The following CDC42BPA variants were observed in gnomAD, a reference collection of about 807,000 sequenced individuals.
CDC42BPA encodes the protein CDC42 binding protein kinase alpha.
A neutral mutation model predicts 223.5 loss-of-function variants in CDC42BPA; 80 were observed. The ratio of observed to expected loss-of-function variants is 0.36; its 90% CI spans 0.30 to 0.43. The LOEUF is 0.43. CDC42BPA is among the 20% of genes least tolerant of loss of function. The probability of loss-of-function intolerance (pLI) is 1.00; values close to 1 mark genes in which losing one functional copy is unlikely to be tolerated. For missense variants in CDC42BPA, 1,743 were observed against 2,099.9 expected, an observed-to-expected ratio of 0.83 and a Z score of 3.32; for synonymous variants, 694 against 718.6, an observed-to-expected ratio of 0.97 and a Z score of 0.55.
Position 227,143,072 on chromosome 1 carries a change from T to C in CDC42BPA, c.1144-48A>G, listed in dbSNP as rs767592476. ...GTAAGAAATAGATAGCTATATGATC[T>C]GTAGGCTTGGCTATAAATATAAAAT... On this transcript the variant is annotated intron_variant, in intron 8 of 36. Coordinates refer to ENST00000366766, the MANE Select transcript of CDC42BPA (RefSeq NM_001394014.1). 4.2e-6 allele frequency: 5 copies of C among 1,202,216 alleles called. No homozygotes were observed. In the South Asian group the frequency reaches 9.3e-5, roughly 22 times the overall value. The allele number at this position is 1,202,216 out of a possible 1,614,324, so 74.5% of individuals were successfully genotyped here.
At chr1:227,198,546 AC>A (rs1343500224) in intron 4 of CDC42BPA, among the ~76,000 whole-genome samples, 1 of 152,022 alleles carries the variant, frequency 6.6e-6, no homozygotes, top group African/African-American at 2.4e-5. Flanking sequence ...GTTTAAAAAA[AC>A]ATTATTATAC....
intron 5 of CDC42BPA, among the ~76,000 whole-genome samples, chr1:227,168,497 G>GTGTTTTTTTTTTTTTTTTTTTTTTT (rs1302291274): frequency 2.1e-4 from 17 of 80,198 alleles, no homozygotes; most frequent in South Asian, 4.5e-4. Flanking sequence ...CTTCCCTGGT[G>GTGTTTTTTTTTTTTTTTTTTTTTTT]TTTTTTTTTT....
intron 1 of CDC42BPA, among the ~76,000 whole-genome samples, chr1:227,267,757 A>C (rs922603513): frequency 6.6e-6 from 1 of 152,198 alleles, no homozygotes; most frequent in Non-Finnish European, 1.5e-5. Context: ...TGCCACTTTT[A>C]AAACCATCAA....
chr1:227,127,482 G>A (rs543575006), intron 11 of CDC42BPA, among the ~76,000 whole-genome samples: 1 of 152,304 alleles, frequency 6.6e-6, no homozygotes, highest in East Asian at 1.9e-4. Flanking sequence ...AAAGAGGAGA[G>A]ATATGCTTAT....
chr1:227,072,364 G>T, intron 19 of CDC42BPA, 65 bp from the exon 20 acceptor site: 1 of 899,512 alleles, frequency 1.1e-6, no homozygotes. Flanking sequence ...AGCCATCTTG[G>T]ATGTAGCCAA....
chr1:227,100,777 T>TGTGTGTGTGTGTGTGCGCGC (rs777124731), intron 15 of CDC42BPA, among the ~76,000 whole-genome samples: 1 of 128,510 alleles, frequency 7.8e-6, no homozygotes, highest in African/African-American at 2.9e-5. Context: ...TGTGTGTGTG[T>TGTGTGTGTGTGTGTGCGCGC]GCGTGTGCCA....
At chr1:227,054,113 T>A (rs531545304) in intron 21 of CDC42BPA, among the ~76,000 whole-genome samples, 1 of 151,284 alleles carries the variant, frequency 6.6e-6, no homozygotes, top group African/African-American at 2.4e-5. Context: ...AAGAAAATTG[T>A]AAAGTTTCTG....
chr1:227,056,513 G>C (rs909514986), intron 21 of CDC42BPA, among the ~76,000 whole-genome samples: 1 of 151,914 alleles, frequency 6.6e-6, no homozygotes, highest in Non-Finnish European at 1.5e-5. Flanking sequence ...TCAGCCTCTA[G>C]AGTAGCTGTG....
chr1:227,309,215 A>T (rs1243175450), intron 1 of CDC42BPA, among the ~76,000 whole-genome samples: 37 of 148,220 alleles, frequency 2.5e-4, no homozygotes, highest in African/African-American at 7.9e-4. Flanking sequence ...AAAAAAAAAA[A>T]AAAAAAATAA....
chr1:227,199,671 A>T lies in CDC42BPA; in HGVS notation c.355-19T>A, dbSNP rs563250593. 328 of 1,234,410 alleles carry T rather than the reference A, an allele frequency of 2.7e-4. 2 individuals are homozygous for T. The South Asian group carries it at 3.9e-3, about 15-fold the overall frequency. The allele number at this position is 1,234,410 out of a possible 1,614,324, so 76.5% of individuals were successfully genotyped here. A position where few individuals can be genotyped will look rare whatever the true frequency, so the allele number is the denominator to read the frequency against. On this transcript the variant is annotated intron_variant, in intron 3 of 36. Coordinates refer to ENST00000366766, the MANE Select transcript of CDC42BPA (RefSeq NM_001394014.1). ...ATGCTGTCTGAAACACAAAAAGAAA[A>T]TTTTTAGAGCATACTTTATGTAAAA... is the stretch of plus-strand genomic sequence containing the variant.
Position 227,159,831 on chromosome 1 carries a change from T to C in CDC42BPA, c.693+712A>G, listed in dbSNP as rs1050228444. ...GTGAGCCACCATGCCCAGCCTTTTT[T>C]TTCTGGGTGGCTCTGGGGGAGTGAG... On this transcript the variant is annotated intron_variant, in intron 6 of 36. Coordinates refer to ENST00000366766, the MANE Select transcript of CDC42BPA (RefSeq NM_001394014.1). Among the ~76,000 whole-genome samples the C allele has an allele frequency of 5.5e-4, 83 of 151,894 alleles. 1 individual carries two copies. Among genetic ancestry groups the C allele is most frequent in the African/African-American group, 1.9e-3 (78 of 41,420 alleles).
intron 2 of CDC42BPA, among the ~76,000 whole-genome samples, chr1:227,243,370 TAA>T: frequency 6.6e-6 from 1 of 151,482 alleles, no homozygotes; most frequent in Admixed American, 6.6e-5. Flanking sequence ...TTTAAAAAAT[TAA>T]TAAGTGGCAC....
Position 227,043,865 on chromosome 1 carries a change from GGAA to G in CDC42BPA, c.3094-3632_3094-3630del, listed in dbSNP as rs1022768156. Among the ~76,000 whole-genome samples, 35 of 152,172 alleles carry G rather than the reference GGAA, an allele frequency of 2.3e-4. 1 individual carries two copies. Among genetic ancestry groups the G allele is most frequent in the Admixed American group, 2.3e-3 (35 of 15,284 alleles). On this transcript the variant is annotated intron_variant, in intron 23 of 36. Coordinates refer to ENST00000366766, the MANE Select transcript of CDC42BPA (RefSeq NM_001394014.1). ...GAATCTGTATGGAGGTTTTTGTAAA[GGAA>G]AGAGATTTTTCTGATGAAATGAGAT...
chr1:227,263,168 G>A lies in CDC42BPA; in HGVS notation c.179-9013C>T, dbSNP rs373905758. Among the ~76,000 whole-genome samples, 228 of 152,346 alleles carry A rather than the reference G, an allele frequency of 1.5e-3. 2 individuals carry two copies. Among genetic ancestry groups the A allele is most frequent in the African/African-American group, 5.3e-3 (219 of 41,576 alleles). On this transcript the variant is annotated intron_variant, in intron 1 of 36. Transcript: ENST00000366766. Reference sequence around the variant, plus strand: ...GAATCACTGGAACCCGGGAGCTGAGGCTGCAGAAAGCCAAGATCGTGCCAC... The same window carrying A: ...GAATCACTGGAACCCGGGAGCTGAGACTGCAGAAAGCCAAGATCGTGCCAC...
chr1:227,110,454 T>C (rs975421407), intron 14 of CDC42BPA, among the ~76,000 whole-genome samples: 1 of 152,192 alleles, frequency 6.6e-6, no homozygotes, highest in Non-Finnish European at 1.5e-5. Flanking sequence ...TGAAGTAATG[T>C]TTATTGTAGA....
intron 2 of CDC42BPA, among the ~76,000 whole-genome samples, 160 bp downstream of exon 2, chr1:227,253,904 A>G (rs79238704): frequency 0.055 from 8,370 of 152,248 alleles, 252 homozygotes; most frequent in Non-Finnish European, 0.073. Context: ...TTTCTGAGCT[A>G]TTATATCAAT....
intron 27 of CDC42BPA, among the ~76,000 whole-genome samples, chr1:227,032,830 TC>T (rs935030989): frequency 4.3e-4 from 65 of 152,146 alleles, no homozygotes; most frequent in African/African-American, 1.6e-3. Flanking sequence ...GATGTTCTGG[TC>T]CCAAATGAGC....
intron 14 of CDC42BPA, among the ~76,000 whole-genome samples, chr1:227,102,586 GA>G (rs1271329726): frequency 1.3e-5 from 2 of 150,988 alleles, no homozygotes; most frequent in South Asian, 2.1e-4. Context: ...TAAGTTTCAA[GA>G]AAAAAAAATT....
chr1:227,263,908 A>G (rs1684535535), intron 1 of CDC42BPA, among the ~76,000 whole-genome samples: 2 of 152,218 alleles, frequency 1.3e-5, no homozygotes, highest in African/African-American at 4.8e-5. Flanking sequence ...TGAAGTATCC[A>G]GCAGTGGCCT....
Sources: allele counts gnomAD v4.1 joint callset (sites outside exome capture counted in the v4.1 genomes callset), GRCh38; gene constraint gnomAD v4.1.1; transcripts MANE v1.5; gene names NCBI Gene and HGNC (gene_info 2026-07-23, HGNC 2026-07-21).